The following KIF4A variants were observed in gnomAD, a reference collection of about 807,000 sequenced individuals.
KIF4A encodes the protein chromosome-associated kinesin KIF4A.
In KIF4A, 7 loss-of-function variants were observed where a neutral mutation model predicts 105.9. That is an observed-to-expected ratio of 0.07 (90% CI 0.04 to 0.12). KIF4A has a LOEUF of 0.12. Among genes scored for constraint, KIF4A ranks in the 10% least tolerant of loss-of-function variants. KIF4A has a pLI of 1.00. For synonymous variants in KIF4A, 281 were observed against 331.3 expected, an observed-to-expected ratio of 0.85 and a Z score of 1.65; for missense variants, 558 against 929.2, an observed-to-expected ratio of 0.60 and a Z score of 5.19.
chrX:70,375,227 G>A lies in KIF4A; in HGVS notation c.1802G>A (p.Arg601His), dbSNP rs764512941. The change falls in exon 17 of 31, where the codon CGT becomes CAT. Residue 601 changes from arginine to histidine, a missense_variant. Transcript: ENST00000374403. ...QAKLSERRRK[R>H]LQELEGQIAD... ...AGGTTGAGTGAGCGCCGCCGCAAAC[G>A]TCTCCAGGAGCTGGAGGGTCAAATT... 1.3e-5 allele frequency: 16 copies of A among 1,208,919 alleles called. No homozygotes were observed. Among genetic ancestry groups the A allele is most frequent in the South Asian group, 7.1e-5 (4 of 56,719 alleles).
chrX:70,369,889 A>G (rs2086123173), intron 15 of KIF4A, among the ~76,000 whole-genome samples: 1 of 111,784 alleles, frequency 8.9e-6, no homozygotes, highest in Admixed American at 9.5e-5. Flanking sequence ...TTAATATATA[A>G]TCATGCACCA....
intron 13 of KIF4A, among the ~76,000 whole-genome samples, chrX:70,348,832 T>C (rs946367355): frequency 8.9e-6 from 1 of 112,350 alleles, no homozygotes; most frequent in African/African-American, 3.2e-5. Context: ...AAAACTGCCA[T>C]TGTCATCATG....
Position 70,290,598 on chromosome X carries a change from G to T in KIF4A, c.120+20G>T. On this transcript the variant is annotated intron_variant, in intron 2 of 30. Transcript: ENST00000374403. Reference sequence around the variant, plus strand: ...CCTCAGGTGCGTAGCAGAGTCCAGAGCCTGTGTCTGAACAGCTGGGGCCAA... The same window carrying T: ...CCTCAGGTGCGTAGCAGAGTCCAGATCCTGTGTCTGAACAGCTGGGGCCAA... 1 of 1,210,219 alleles carries T rather than the reference G, an allele frequency of 8.3e-7. No homozygotes were observed. The highest frequency in any genetic ancestry group is 1.1e-6 in the Non-Finnish European group (1 of 894,621).
Position 70,392,858 on chromosome X carries a change from A to AATT in KIF4A, c.2233-2797_2233-2795dup, listed in dbSNP as rs1555953505. Among the ~76,000 whole-genome samples, 98 of 95,620 alleles carry AATT rather than the reference A, an allele frequency of 1.0e-3. 1 individual carries two copies. The highest frequency in any genetic ancestry group is 2.7e-3 in the African/African-American group (73 of 27,126). The allele number at this position is 95,620 out of a possible 115,157, so 83.0% of individuals were successfully genotyped here. On this transcript the variant is annotated intron_variant, in intron 20 of 30. Coordinates refer to ENST00000374403, the MANE Select transcript of KIF4A (RefSeq NM_012310.5). The stretch of plus-strand genomic sequence containing the variant: ...ATCTTATAATAATAATAATAATAAT[A>AATT]ATTATTATTATTATTATTTTGAGAC...
chrX:70,386,118 C>CT lies in KIF4A; in HGVS notation c.2035-490dup, dbSNP rs1261026998. Among the ~76,000 whole-genome samples the CT allele has an allele frequency of 4.8e-3, 508 of 105,695 alleles. 1 individual carries two copies. The highest frequency in any genetic ancestry group is 7.1e-3 in the Non-Finnish European group (364 of 50,978). The allele number at this position is 105,695 out of a possible 115,157, so 91.8% of individuals were successfully genotyped here. On this transcript the variant is annotated intron_variant, in intron 18 of 30. Transcript: ENST00000374403. Reference sequence around the variant, plus strand: ...TGTTTTTTTCAAAAATGAGAAACCTCTTTTTTTTTTAGCTGCAGGTTACTT... The same window carrying CT: ...TGTTTTTTTCAAAAATGAGAAACCTCTTTTTTTTTTTAGCTGCAGGTTACTT...
intron 18 of KIF4A, among the ~76,000 whole-genome samples, chrX:70,380,653 A>G (rs902658404): frequency 3.6e-5 from 4 of 112,122 alleles, no homozygotes; most frequent in African/African-American, 1.3e-4. Context: ...TATCTATTCA[A>G]CATTGTCCTG....
chrX:70,318,093 G>C (rs755209229), intron 7 of KIF4A, among the ~76,000 whole-genome samples: 3 of 110,778 alleles, frequency 2.7e-5, no homozygotes, highest in African/African-American at 9.8e-5. Context: ...GACCAGGCTG[G>C]TCTTGAACTC....
intron 15 of KIF4A, among the ~76,000 whole-genome samples, chrX:70,365,358 A>G (rs1251952200): frequency 5.4e-5 from 6 of 111,704 alleles, no homozygotes; most frequent in Admixed American, 9.5e-5. Flanking sequence ...TTGCCCATTC[A>G]GTATGATATT....
chrX:70,417,955 T>C lies in KIF4A; in HGVS notation c.3323T>C (p.Val1108Ala). Reference sequence around the variant, plus strand: ...AGGAAGCAAAAGTCAGACTGTGGTGTGGACTGTTGCTGTGACCCCACAAAG... The same window carrying C: ...AGGAAGCAAAAGTCAGACTGTGGTGCGGACTGTTGCTGTGACCCCACAAAG... ...GCRKQKSDCG[V>A]DCCCDPTKCR... Residue 1108 changes from valine to alanine, a missense_variant, in exon 29 of 31, where the codon GTG (valine) becomes GCG (alanine). By Grantham distance (64) the Val-to-Ala change is moderately conservative. Transcript: ENST00000374403. The C allele has an allele frequency of 8.3e-7, 1 of 1,211,509 alleles. No homozygotes were observed. Among genetic ancestry groups the C allele is most frequent in the East Asian group, 3.0e-5 (1 of 33,826 alleles).
At chrX:70,299,709 A>G (rs900147399) in intron 5 of KIF4A, among the ~76,000 whole-genome samples, 11 of 111,628 alleles carry the variant, frequency 9.9e-5, no homozygotes, top group Non-Finnish European at 2.1e-4. Flanking sequence ...ATATGATTGA[A>G]CATATCTATA....
At chrX:70,387,362 C>CTTT in intron 20 of KIF4A, 65 bp downstream of exon 20, 3 of 666,890 alleles carry the variant, frequency 4.5e-6, no homozygotes, top group Non-Finnish European at 4.2e-6. Context: ...GGAGAAATAG[C>CTTT]TTTTTTTTTT....
intron 28 of KIF4A, among the ~76,000 whole-genome samples, chrX:70,411,304 T>TAA (rs375572048): frequency 2.0e-5 from 2 of 99,256 alleles, no homozygotes; most frequent in African/African-American, 3.7e-5. Context: ...ATTTAAAAAT[T>TAA]AAAAAAAAAA....
intron 22 of KIF4A, among the ~76,000 whole-genome samples, chrX:70,400,159 C>CTA (rs1224492055): frequency 1.9e-5 from 2 of 105,033 alleles, no homozygotes; most frequent in Non-Finnish European, 3.9e-5. Context: ...TCTCCCAATG[C>CTA]TATCCCTCCC....
intron 20 of KIF4A, 53 bp downstream of exon 20, chrX:70,387,350 A>G: frequency 1.1e-6 from 1 of 910,740 alleles, no homozygotes; most frequent in Non-Finnish European, 1.5e-6. Flanking sequence ...AACAGGAAAA[A>G]AGGAGAAATA....
intron 15 of KIF4A, among the ~76,000 whole-genome samples, chrX:70,359,541 C>G (rs1183308460): frequency 4.7e-5 from 5 of 107,115 alleles, no homozygotes; most frequent in Non-Finnish European, 7.7e-5. Flanking sequence ...CATAAGTAGT[C>G]TGGGGCACGT....
At chrX:70,307,443 T>C (rs2085831888) in intron 7 of KIF4A, among the ~76,000 whole-genome samples, 1 of 111,789 alleles carries the variant, frequency 8.9e-6, no homozygotes, top group Non-Finnish European at 1.9e-5. Flanking sequence ...TGGATGCCTT[T>C]ACTTCTTTTT....
rs1304941518 is a variant in KIF4A, at chrX:70,371,690, G to A, written c.1675-2461G>A. 4.6e-5 allele frequency among the ~76,000 whole-genome samples: 5 copies of A among 107,531 alleles called. No homozygotes were observed. In the Admixed American group the frequency reaches 4.8e-4, roughly 10 times the overall value. 93.4% of individuals were successfully genotyped at this position (107,531 alleles called of 115,157 possible). ...ACCTCCCTCCCGGACGGGACGGCTG[G>A]CCGGGCGGGGCCTGACCCCCCCACC... On this transcript the variant is annotated intron_variant, in intron 15 of 30. Transcript: ENST00000374403.
Position 70,374,168 on chromosome X carries a change from A to G in KIF4A, c.1692A>G (p.Leu564=). 1 of 1,183,131 alleles carries G rather than the reference A, an allele frequency of 8.5e-7. No homozygotes were observed. The highest frequency in any genetic ancestry group is 1.1e-6 in the Non-Finnish European group (1 of 870,635). Residue 564 remains leucine (L), a synonymous_variant, in exon 16 of 31, where the codon CTA becomes CTG. Coordinates refer to ENST00000374403, the MANE Select transcript of KIF4A (RefSeq NM_012310.5). ...QYQYQDNIKE[L]ELEVINLQKE... ...CTTTCTAGGATAACATAAAAGAGCTAGAATTAGAAGTCATCAATCTGCAAA... is the reference window on the plus strand; with the variant it reads ...CTTTCTAGGATAACATAAAAGAGCTGGAATTAGAAGTCATCAATCTGCAAA...
Position 70,396,019 on chromosome X carries a change from T to C in KIF4A, c.2459T>C (p.Ile820Thr). ...SESEDSITKQ[I>T]ESLETEMEFR... The stretch of plus-strand genomic sequence containing the variant: ...TCAGAAGATTCTATTACAAAGCAGA[T>C]TGAAAGCCTAGAGACTGAAATGGAA... The change falls in exon 22 of 31, where the codon ATT (isoleucine) becomes ACT (threonine). Residue 820 changes from isoleucine (I) to threonine (T), a missense_variant. Physicochemically the swap from Ile to Thr is moderately conservative, Grantham distance 89. Around this residue, in one of 2 missense-constraint regions of KIF4A, gnomAD observed 469 missense variants for 680.4 expected, o/e 0.69. Coordinates refer to ENST00000374403, the MANE Select transcript of KIF4A (RefSeq NM_012310.5). The C allele has an allele frequency of 1.7e-6, 2 of 1,203,938 alleles. No homozygotes were observed. The highest frequency in any genetic ancestry group is 1.8e-5 in the South Asian group (1 of 56,517).
Sources: gnomAD v4.1 joint callset for allele counts (sites outside exome capture counted in the v4.1 genomes callset) on GRCh38, gnomAD v4.1.1 for gene constraint, gnomAD v4.1.1 regional missense constraint, MANE v1.5 for transcripts, NCBI Gene and HGNC (gene_info 2026-07-23, HGNC 2026-07-21) for gene names.